Variants in LRRC4C observed in about 807,000 individuals in gnomAD.
LRRC4C encodes the protein leucine-rich repeat-containing protein 4C.
In LRRC4C, 5 loss-of-function variants were observed where a neutral mutation model predicts 33.6. That is an observed-to-expected ratio of 0.15 (90% confidence interval 0.08 to 0.31). LRRC4C has a LOEUF of 0.31. Among genes scored for constraint, LRRC4C ranks in the 10% least tolerant of loss-of-function variants. LRRC4C has a pLI of 1.00. For synonymous variants in LRRC4C, 329 were observed against 302.0 expected, an observed-to-expected ratio of 1.09 and a Z score of -0.93; for missense variants, 560 against 796.7, an observed-to-expected ratio of 0.70 and a Z score of 3.58.
intron 3 of LRRC4C, among the ~76,000 whole-genome samples, chr11:40,360,936 G>T (rs926426243): frequency 2.0e-5 from 3 of 152,030 alleles, no homozygotes; most frequent in Non-Finnish European, 2.9e-5. Flanking sequence ...TGCAAGTTTC[G>T]TTCAACATAT....
At chr11:40,499,419 A>T (rs917786837) in intron 3 of LRRC4C, among the ~76,000 whole-genome samples, 2 of 152,198 alleles carry the variant, frequency 1.3e-5, no homozygotes, top group East Asian at 3.9e-4. Context: ...CTCCAAAGTA[A>T]ATCTTTGGGT....
chr11:40,664,494 G>A (rs1002351684), intron 2 of LRRC4C, among the ~76,000 whole-genome samples: 4 of 151,008 alleles, frequency 2.6e-5, no homozygotes, highest in Non-Finnish European at 4.4e-5. Context: ...GCAGTGAGCC[G>A]AGATCACACC....
At chr11:40,449,745 C>T (rs1951804693) in intron 3 of LRRC4C, among the ~76,000 whole-genome samples, 1 of 152,014 alleles carries the variant, frequency 6.6e-6, no homozygotes, top group African/African-American at 2.4e-5. Context: ...TAATGGCATC[C>T]CTAGAGGAAT....
intron 1 of LRRC4C, among the ~76,000 whole-genome samples, chr11:41,389,696 A>G (rs889963629): frequency 6.8e-6 from 1 of 146,018 alleles, no homozygotes; most frequent in Non-Finnish European, 1.5e-5. Context: ...CTACTTGCAT[A>G]TAATTGCTTA....
intron 1 of LRRC4C, among the ~76,000 whole-genome samples, chr11:40,936,007 C>T (rs10768648): frequency 0.29 from 24,963 of 85,774 alleles, 3,436 homozygotes; most frequent in East Asian, 0.34. Flanking sequence ...TAAAAAGATG[C>T]CAAATTTTAT....
At chr11:40,847,966 T>C (rs974120012) in intron 2 of LRRC4C, among the ~76,000 whole-genome samples, 1 of 152,096 alleles carries the variant, frequency 6.6e-6, no homozygotes, top group Non-Finnish European at 1.5e-5. Flanking sequence ...TATTCTCTGA[T>C]GGTAGTTTTT....
rs1194665215 is a variant in LRRC4C at position 40,245,972 on chromosome 11, C to CCTTTTTTTTT, written c.-175-4375_-175-4374insAAAAAAAAAG. On this transcript the variant is annotated intron_variant, in intron 4 of 6. Transcript: ENST00000528697. Reference sequence around the variant, plus strand: ...ATGATACATATTGTTAAAGTCCTAACTTTTTTTTTTTTTTTTTGAGATGGA... The same window carrying CCTTTTTTTTT: ...ATGATACATATTGTTAAAGTCCTAACCTTTTTTTTTTTTTTTTTTTTTTTTTTGAGATGGA... Among the ~76,000 whole-genome samples, 2 of 132,116 alleles carry CCTTTTTTTTT rather than the reference C, an allele frequency of 1.5e-5. 1 individual carries two copies. The highest frequency in any genetic ancestry group is 3.3e-5 in the Non-Finnish European group (2 of 61,470). 86.7% of individuals were successfully genotyped at this position (132,116 alleles called of 152,430 possible). A position where few individuals can be genotyped will look rare whatever the true frequency, so the allele number is the denominator to read the frequency against.
At chr11:40,195,562 G>T (rs2135670307) in intron 5 of LRRC4C, among the ~76,000 whole-genome samples, 1 of 152,000 alleles carries the variant, frequency 6.6e-6, no homozygotes. Flanking sequence ...TTGCTTTATT[G>T]AAATGAGGGG....
intron 5 of LRRC4C, among the ~76,000 whole-genome samples, chr11:40,222,691 T>G (rs1412986086): frequency 6.6e-6 from 1 of 152,200 alleles, no homozygotes; most frequent in Non-Finnish European, 1.5e-5. Context: ...TCACCTTCTA[T>G]GTTAAAACTG....
intron 1 of LRRC4C, among the ~76,000 whole-genome samples, chr11:41,353,037 C>T (rs1430821472): frequency 6.6e-6 from 1 of 151,858 alleles, no homozygotes; most frequent in Admixed American, 6.6e-5. Flanking sequence ...CAGAGCTGAA[C>T]TGAAGAAAAT....
intron 3 of LRRC4C, among the ~76,000 whole-genome samples, chr11:40,365,708 T>G (rs766948881): frequency 1.3e-5 from 2 of 152,050 alleles, no homozygotes; most frequent in East Asian, 1.9e-4. Flanking sequence ...ATATTCATGA[T>G]GCAGAACAAA....
chr11:41,312,867 T>G (rs1950681261), intron 1 of LRRC4C, among the ~76,000 whole-genome samples: 1 of 152,152 alleles, frequency 6.6e-6, no homozygotes. Flanking sequence ...AAGGTTTGAG[T>G]TTTGGTTTTG....
At chr11:40,565,429 C>T (rs1957717414) in intron 3 of LRRC4C, among the ~76,000 whole-genome samples, 1 of 152,190 alleles carries the variant, frequency 6.6e-6, no homozygotes, top group African/African-American at 2.4e-5. Context: ...AAAGCTGCTC[C>T]CACTCAGTGA....
intron 1 of LRRC4C, among the ~76,000 whole-genome samples, chr11:41,104,555 A>C (rs1305736762): frequency 6.6e-6 from 1 of 151,936 alleles, no homozygotes; most frequent in African/African-American, 2.4e-5. Context: ...ACAGTTCATC[A>C]GTTTCTTAAA....
At chr11:41,379,150 T>C (rs1953050578) in intron 1 of LRRC4C, among the ~76,000 whole-genome samples, 1 of 152,146 alleles carries the variant, frequency 6.6e-6, no homozygotes, top group Non-Finnish European at 1.5e-5. Flanking sequence ...AATTATAATC[T>C]AAGTGGAGCT....
intron 4 of LRRC4C, among the ~76,000 whole-genome samples, chr11:40,313,691 T>C (rs1409378237): frequency 7.6e-6 from 1 of 131,194 alleles, no homozygotes; most frequent in Non-Finnish European, 1.5e-5. Context: ...CACTGCAAGC[T>C]CCACCTTCCG....
At chr11:41,428,989 G>C (rs1955138987) in intron 1 of LRRC4C, among the ~76,000 whole-genome samples, 1 of 152,108 alleles carries the variant, frequency 6.6e-6, no homozygotes, top group Admixed American at 6.6e-5. Context: ...AATATGGTTT[G>C]GCTGTGTCCC....
intron 1 of LRRC4C, among the ~76,000 whole-genome samples, chr11:41,331,622 G>A (rs1311455949): frequency 2.6e-5 from 4 of 152,002 alleles, no homozygotes; most frequent in African/African-American, 4.8e-5. Context: ...CTTGCTTTAG[G>A]TGTTTCCTCT....
intron 1 of LRRC4C, among the ~76,000 whole-genome samples, chr11:41,093,230 T>C (rs1006866744): frequency 6.6e-6 from 1 of 152,186 alleles, no homozygotes; most frequent in African/African-American, 2.4e-5. Context: ...GATAAAGAGA[T>C]GTATGCAAAA....
Sources: allele counts gnomAD v4.1 joint callset (sites outside exome capture counted in the v4.1 genomes callset), GRCh38; gene constraint gnomAD v4.1.1; transcripts MANE v1.5; gene names NCBI Gene and HGNC (gene_info 2026-07-23, HGNC 2026-07-21).